The following POLE variants were observed in gnomAD, a reference collection of about 807,000 sequenced individuals.
The protein encoded by POLE is DNA polymerase epsilon, catalytic subunit, also known as DNA polymerase epsilon catalytic subunit A.
Under a neutral mutation model 279.2 loss-of-function variants are expected in POLE, and 188 were observed. The ratio of observed to expected loss-of-function variants is 0.67; its 90% CI spans 0.60 to 0.76. POLE has a LOEUF of 0.76. Ranked by LOEUF, POLE falls within the 30% of genes least tolerant of loss-of-function variation. The pLI, the probability that POLE is intolerant of heterozygous loss-of-function variation, is 0.00. For missense variants in POLE, 2,703 were observed against 3,016.7 expected (o/e 0.90, Z 2.44); for synonymous variants, 1,214 against 1,172.5 (o/e 1.04, Z -0.72).
Position 132,638,064 on chromosome 12 carries a change from C to T in POLE, c.5628G>A (p.Lys1876=), listed in dbSNP as rs2138500972. Reference sequence around the variant, plus strand: ...CGATGGCATCTTCCACACGGCGCTTCTTTGTACAGAGGATGATGCGGTTGA... The same window carrying T: ...CGATGGCATCTTCCACACGGCGCTTTTTTGTACAGAGGATGATGCGGTTGA... ...ANFNRIILCT[K]KRRVEDAIAY... Residue 1876 remains lysine (K), a synonymous_variant, in exon 41 of 49, where the codon AAG becomes AAA. Transcript: ENST00000320574. 1 of 1,614,056 alleles carries T rather than the reference C, an allele frequency of 6.2e-7. No individual in the cohort carries two copies. The highest frequency in any genetic ancestry group is 8.5e-7 in the Non-Finnish European group (1 of 1,179,990).
intron 15 of POLE, 78 bp from the exon 16 acceptor site, chr12:132,672,400 G>A (rs1196417027): frequency 1.2e-5 from 15 of 1,269,546 alleles, no homozygotes; most frequent in Admixed American, 1.7e-5. Context: ...CGCTGTGGCT[G>A]CACGTGGCAG....
intron 45 of POLE, among the ~76,000 whole-genome samples, chr12:132,628,744 C>T (rs1421208217): frequency 1.3e-5 from 2 of 152,184 alleles, no homozygotes. Flanking sequence ...AAATTTTGTC[C>T]TGAGATTGCA....
At position 132,677,679 on chromosome 12, in the gene POLE, T is replaced by C. The variant is rs2136021178; in HGVS notation, c.619A>G (p.Thr207Ala). The C allele has an allele frequency of 6.2e-7, 1 of 1,613,952 alleles. No individual in the cohort carries two copies. The highest frequency in any genetic ancestry group is 8.5e-7 in the Non-Finnish European group (1 of 1,179,926). ...RGGVITDEEE[T>A]SKKIADQLDN... is the part of the protein sequence containing the mutation. Reference sequence around the variant, plus strand: ...AACTGGTCAGCTATCTTCTTAGAGGTTTCCTCTTCATCAGTAATGACACCG... The same window carrying C: ...AACTGGTCAGCTATCTTCTTAGAGGCTTCCTCTTCATCAGTAATGACACCG... The change falls in exon 7 of 49, where the codon ACC (threonine) becomes GCC (alanine). Residue 207 changes from threonine to alanine, a missense_variant. Coordinates refer to ENST00000320574, the MANE Select transcript of POLE (RefSeq NM_006231.4).
rs766252708 is a variant in POLE, at chr12:132,642,581, C to A, written c.4877G>T (p.Arg1626Leu). 1 of 1,613,496 alleles carries A rather than the reference C, an allele frequency of 6.2e-7. No homozygotes were observed. ...ACGGATCATGCGCCGGGCTCCATGG[C>A]GCTGCCAGTCCAGGACCCCATAGTT... is the stretch of plus-strand genomic sequence containing the variant. ...KINYGVLDWQ[R>L]HGARRMIRHY... Residue 1626 changes from arginine (R) to leucine (L), a missense_variant, in exon 37 of 49, where the codon CGC (arginine) becomes CTC (leucine). Around this residue, in one of 5 missense-constraint regions of POLE, gnomAD observed 1,551 missense variants for 1,686.1 expected, o/e 0.92. Coordinates refer to ENST00000320574, the MANE Select transcript of POLE (RefSeq NM_006231.4).
rs1473881269 is a variant in POLE at position 132,673,574 on chromosome 12, C to T, written c.1359+1G>A. The T allele has an allele frequency of 1.9e-6, 3 of 1,611,642 alleles. No homozygotes were observed. The highest frequency in any genetic ancestry group is 2.5e-6 in the Non-Finnish European group (3 of 1,179,966). ...GGGCAGCCGGGATGTGGCTTACGTG[C>T]CTGGGGCTGCTCCGTGGCCATCCGG... is the stretch of plus-strand genomic sequence containing the variant. On this transcript the variant is annotated splice_donor_variant, in intron 13 of 48. Transcript: ENST00000320574. LOFTEE classifies it high-confidence loss of function.
chr12:132,674,415 G>A (rs539215646), intron 12 of POLE, among the ~76,000 whole-genome samples: 2 of 151,970 alleles, frequency 1.3e-5, no homozygotes, highest in Non-Finnish European at 2.9e-5. Flanking sequence ...TCTACAGTGC[G>A]AGCCCAAACC....
At chr12:132,638,292 A>C in intron 40 of POLE, 153 bp from the exon 41 acceptor site, 2 of 505,912 alleles carry the variant, frequency 4.0e-6, no homozygotes, top group Non-Finnish European at 6.3e-6. Flanking sequence ...AAGAGCAAAG[A>C]TTTCTGCATG....
intron 8 of POLE, among the ~76,000 whole-genome samples, chr12:132,677,104 A>G (rs931930994): frequency 6.6e-6 from 1 of 152,188 alleles, no homozygotes. Flanking sequence ...CAACTACCCA[A>G]ACGGAAGTCC....
chr12:132,658,843 T>G (rs1266772254), intron 26 of POLE, among the ~76,000 whole-genome samples: 1 of 120,624 alleles, frequency 8.3e-6, no homozygotes, highest in Admixed American at 1.2e-4. Context: ...ATCAACCCCA[T>G]GCAGGCATTT....
chr12:132,648,887 G>A lies in POLE; in HGVS notation c.4149+42C>T, dbSNP rs139763727. 3.7e-3 allele frequency: 5,801 copies of A among 1,578,352 alleles called. 15 individuals are homozygous for A. The highest frequency in any genetic ancestry group is 4.6e-3 in the Non-Finnish European group (5,382 of 1,157,596). On this transcript the variant is annotated intron_variant, in intron 32 of 48. Coordinates refer to ENST00000320574, the MANE Select transcript of POLE (RefSeq NM_006231.4). ...CTAGATCATGGGAAAGCCACCTCAGGCTGCCCAGATGACTGCAGAGGCAGC... is the reference window on the plus strand; with the variant it reads ...CTAGATCATGGGAAAGCCACCTCAGACTGCCCAGATGACTGCAGAGGCAGC...
intron 20 of POLE, among the ~76,000 whole-genome samples, chr12:132,666,833 G>A (rs2042807777): frequency 1.3e-5 from 2 of 152,152 alleles, no homozygotes; most frequent in Non-Finnish European, 2.9e-5. Flanking sequence ...TCATGCCCCT[G>A]AACTGAGCAC....
chr12:132,642,594 G>C lies in POLE; in HGVS notation c.4864C>G (p.Leu1622Val). 6.2e-7 allele frequency: 1 copy of C among 1,613,604 alleles called. No individual in the cohort carries two copies. The highest frequency in any genetic ancestry group is 8.5e-7 in the Non-Finnish European group (1 of 1,180,038). Residue 1622 changes from leucine to valine, a missense_variant, in exon 37 of 49, where the codon CTG (leucine) becomes GTG (valine). By Grantham distance (32) the Leu-to-Val change is conservative (BLOSUM62 1). Around this residue, in one of 5 missense-constraint regions of POLE, gnomAD observed 1,551 missense variants for 1,686.1 expected, o/e 0.92. Transcript: ENST00000320574. ...CVADKINYGVLDWQRHGARRM... is the reference protein window; with the variant it reads ...CVADKINYGVVDWQRHGARRM... Reference sequence around the variant, plus strand: ...CGGGCTCCATGGCGCTGCCAGTCCAGGACCCCATAGTTGATCTTGTCAGCC... The same window carrying C: ...CGGGCTCCATGGCGCTGCCAGTCCACGACCCCATAGTTGATCTTGTCAGCC...
In POLE at chr12:132,672,610, C is replaced by T. The variant is rs760493090; in HGVS notation, c.1686+17G>A. On this transcript the variant is annotated intron_variant, in intron 15 of 48. Transcript: ENST00000320574. ...CACAAGAGTGGGAAGAATCTGAATC[C>T]CAGGGAAGAAGCACACCATCCTAAA... is the stretch of plus-strand genomic sequence containing the variant. 7 of 1,611,968 alleles carry T rather than the reference C, an allele frequency of 4.3e-6. No homozygotes were observed. Among genetic ancestry groups the T allele is most frequent in the Middle Eastern group, 1.6e-4 (1 of 6,080 alleles).
rs1443543554 is a variant in POLE at position 132,672,299 on chromosome 12, C to G, written c.1710G>C (p.Leu570=). The part of the protein sequence containing the change: ...FRMNPAAFDF[L]LQRVEKTLRH... ...GCAAGGTCTTCTCAACCCGCTGCAG[C>G]AGGAAGTCAAAGGCGGCAGGATTCT... The change falls in exon 16 of 49, where the codon CTG becomes CTC. Residue 570 remains leucine (L), a synonymous_variant. Transcript: ENST00000320574. 6 of 1,614,174 alleles carry G rather than the reference C, an allele frequency of 3.7e-6. No homozygotes were observed. The highest frequency in any genetic ancestry group is 5.1e-6 in the Non-Finnish European group (6 of 1,180,020).
At chr12:132,670,664 T>A (rs903123927) in intron 16 of POLE, among the ~76,000 whole-genome samples, 8 of 151,146 alleles carry the variant, frequency 5.3e-5, no homozygotes, top group East Asian at 2.0e-4. Context: ...CTAATTTTTT[T>A]ATATTTTTTT....
rs1593076370 is a variant in POLE at position 132,675,271 on chromosome 12, T to C, written c.1226+127A>G. 8.3e-7 allele frequency: 1 copy of C among 1,205,724 alleles called. No homozygotes were observed. Among genetic ancestry groups the C allele is most frequent in the Non-Finnish European group, 1.2e-6 (1 of 866,578 alleles). 74.7% of individuals were successfully genotyped at this position (1,205,724 alleles called of 1,614,324 possible). On this transcript the variant is annotated intron_variant, in intron 12 of 48. Transcript: ENST00000320574. This position sits in a 1 kb window ranked among gnomAD's most constrained non-coding sequence, Gnocchi z 4.3. ...GGGTTGCAGCTGCCATACTCTTGGG[T>C]GACCTGAAACGGCCTCTCGGAGGCC...
intron 1 of POLE, 67 bp downstream of exon 1, chr12:132,687,187 A>T: frequency 1.0e-6 from 1 of 990,440 alleles, no homozygotes; most frequent in Non-Finnish European, 1.3e-6. Context: ...CGGCGGCGCC[A>T]GCCGAGGACG....
In POLE at chr12:132,668,762, G is replaced by A. The variant is rs368364939; in HGVS notation, c.1924-25C>T. 8 of 1,613,806 alleles carry A rather than the reference G, an allele frequency of 5.0e-6. No homozygotes were observed. Among genetic ancestry groups the A allele is most frequent in the South Asian group, 3.3e-5 (3 of 91,074 alleles). ...GCTGGGAGGGGTGAGAAAGCACTTA[G>A]GGCTGGGCAGAGAGAGCTCCGACTC... On this transcript the variant is annotated intron_variant, in intron 17 of 48. Transcript: ENST00000320574. This position sits in a 1 kb window ranked among gnomAD's most constrained non-coding sequence, Gnocchi z 4.0.
intron 32 of POLE, among the ~76,000 whole-genome samples, chr12:132,644,700 GGA>G (rs2042235757): frequency 6.6e-6 from 1 of 151,640 alleles, no homozygotes; most frequent in African/African-American, 2.4e-5. Context: ...TGGGAGAGCT[GGA>G]GAGGGGCACC....
Sources: allele counts gnomAD v4.1 joint callset (sites outside exome capture counted in the v4.1 genomes callset), GRCh38; gene constraint gnomAD v4.1.1; regional missense constraint gnomAD v4.1.1; non-coding constraint Gnocchi (gnomAD v3.1); transcripts MANE v1.5; gene names NCBI Gene and HGNC (gene_info 2026-07-23, HGNC 2026-07-21).